PIBF1: variants seen among roughly 807,000 people sequenced by gnomAD.
PIBF1 encodes progesterone-induced-blocking factor 1.
A neutral mutation model predicts 112.5 loss-of-function variants in PIBF1; 90 were observed. The ratio of observed to expected loss-of-function variants is 0.80; its 90% confidence interval spans 0.67 to 0.95. The LOEUF is 0.95. PIBF1 is among the 40% of genes least tolerant of loss of function. The pLI is 0.00. For synonymous variants in PIBF1, 301 were observed against 288.6 expected (o/e 1.04, Z -0.44); for missense variants, 915 against 852.3 (o/e 1.07, Z -0.92).
intron 14 of PIBF1, among the ~76,000 whole-genome samples, chr13:72,949,650 C>G (rs1050330917): frequency 1.3e-5 from 2 of 152,162 alleles, no homozygotes; most frequent in Non-Finnish European, 2.9e-5. Flanking sequence ...TGACCATGAC[C>G]TGTAGTATGA....
intron 2 of PIBF1, among the ~76,000 whole-genome samples, chr13:72,789,784 G>GTCTGAA (rs2034801767): frequency 5.3e-5 from 8 of 151,962 alleles, no homozygotes; most frequent in Admixed American, 5.2e-4. Flanking sequence ...AGATCTGAAA[G>GTCTGAA]TCTGAAATCC....
Position 72,915,644 on chromosome 13 carries a change from G to T in PIBF1, c.1640-1432G>T, listed in dbSNP as rs543113464. Among the ~76,000 whole-genome samples, 6 of 152,244 alleles carry T rather than the reference G, an allele frequency of 3.9e-5. No homozygotes were observed. In the South Asian group the frequency reaches 6.2e-4, roughly 16 times the overall value. On this transcript the variant is annotated intron_variant, in intron 12 of 17. Coordinates refer to ENST00000326291, the MANE Select transcript of PIBF1 (RefSeq NM_006346.4). ...CTAGTTCCAGTAGAGCTTATTTGGA[G>T]AACTCATCTTGGATCTGGACTTACC...
At chr13:72,863,292 A>G (rs1204458399) in intron 10 of PIBF1, among the ~76,000 whole-genome samples, 1 of 152,186 alleles carries the variant, frequency 6.6e-6, no homozygotes, top group Non-Finnish European at 1.5e-5. Context: ...AATGTGACAA[A>G]CACACCATGT....
At chr13:72,783,970 A>T (rs575482924) in intron 2 of PIBF1, among the ~76,000 whole-genome samples, 1 of 151,480 alleles carries the variant, frequency 6.6e-6, no homozygotes, top group African/African-American at 2.4e-5. Context: ...TTACAGTTGA[A>T]TAGGAGGAAT....
intron 3 of PIBF1, among the ~76,000 whole-genome samples, chr13:72,794,201 G>T (rs1593898768): frequency 6.6e-6 from 1 of 152,174 alleles, no homozygotes; most frequent in Admixed American, 6.5e-5. Flanking sequence ...AAAGAACTAA[G>T]AATTGATCAT....
intron 11 of PIBF1, chr13:72,901,162 T>G: frequency 2.8e-6 from 1 of 352,226 alleles, no homozygotes; most frequent in Non-Finnish European, 5.6e-6. Flanking sequence ...TCACAATCTA[T>G]ATATCTGACA....
At position 72,944,364 on chromosome 13, in the gene PIBF1, T is replaced by A. The variant is rs188561925; in HGVS notation, c.1833+13097T>A. On this transcript the variant is annotated intron_variant, in intron 14 of 17. Transcript: ENST00000326291. Reference sequence around the variant, plus strand: ...TGGGAGACTGAGGCATGAGAATCGGTTGAACCCAGGAGGCAGAGGTTGTAG... The same window carrying A: ...TGGGAGACTGAGGCATGAGAATCGGATGAACCCAGGAGGCAGAGGTTGTAG... Among the ~76,000 whole-genome samples, 59 of 151,712 alleles carry A rather than the reference T, an allele frequency of 3.9e-4. 2 individuals are homozygous for A. Among genetic ancestry groups the A allele is most frequent in the African/African-American group, 1.4e-3 (57 of 41,352 alleles).
chr13:72,825,738 T>A (rs531457757), intron 6 of PIBF1, among the ~76,000 whole-genome samples: 1 of 152,160 alleles, frequency 6.6e-6, no homozygotes, highest in African/African-American at 2.4e-5. Context: ...ACAAAACAAA[T>A]ACAACAGTGT....
intron 14 of PIBF1, among the ~76,000 whole-genome samples, chr13:72,962,239 T>C (rs760653943): frequency 2.6e-5 from 4 of 152,112 alleles, no homozygotes; most frequent in Non-Finnish European, 5.9e-5. Flanking sequence ...CAAAATAAAA[T>C]TGTATATAGT....
chr13:72,938,525 A>G (rs1046318540), intron 14 of PIBF1, among the ~76,000 whole-genome samples: 8 of 152,268 alleles, frequency 5.3e-5, no homozygotes, highest in Non-Finnish European at 8.8e-5. Context: ...TTTGCCATCT[A>G]TCAGTGCTCA....
intron 8 of PIBF1, among the ~76,000 whole-genome samples, chr13:72,831,692 GTCAGTT>G (rs561214474): frequency 3.7e-4 from 57 of 152,228 alleles, no homozygotes; most frequent in African/African-American, 1.3e-3. Flanking sequence ...CTATTATGTG[GTCAGTT>G]TTAGAGTGAG....
intron 13 of PIBF1, among the ~76,000 whole-genome samples, chr13:72,922,568 G>A (rs758294714): frequency 1.3e-5 from 2 of 152,064 alleles, no homozygotes; most frequent in Non-Finnish European, 2.9e-5. Context: ...CTGTTCTGAC[G>A]TTCTTAAACC....
At chr13:73,012,131 C>T (rs545441184) in intron 17 of PIBF1, among the ~76,000 whole-genome samples, 72 of 152,274 alleles carry the variant, frequency 4.7e-4, no homozygotes, top group Admixed American at 1.4e-3. Context: ...GCGAGCAGAT[C>T]ACCTGAGATC....
chr13:72,966,826 T>G (rs1042347206), intron 15 of PIBF1, among the ~76,000 whole-genome samples: 2 of 151,998 alleles, frequency 1.3e-5, no homozygotes, highest in African/African-American at 4.8e-5. Flanking sequence ...GGAGAATCGC[T>G]TGAACCGGGG....
At chr13:72,983,933 A>G (rs1566517397) in intron 16 of PIBF1, among the ~76,000 whole-genome samples, 1 of 152,154 alleles carries the variant, frequency 6.6e-6, no homozygotes, top group Non-Finnish European at 1.5e-5. Flanking sequence ...TCACACATAC[A>G]TTTCTCATCA....
intron 8 of PIBF1, 123 bp from the exon 9 acceptor site, chr13:72,835,120 A>G (rs2037297303): frequency 1.8e-6 from 1 of 543,316 alleles, no homozygotes; most frequent in East Asian, 3.3e-5. Flanking sequence ...TTAATAGTTA[A>G]GTTTTTCAGG....
intron 9 of PIBF1, among the ~76,000 whole-genome samples, chr13:72,847,568 T>A (rs1436001320): frequency 6.6e-6 from 1 of 152,192 alleles, no homozygotes; most frequent in Non-Finnish European, 1.5e-5. Flanking sequence ...GGAAGTTAAA[T>A]TTCAACATGA....
intron 13 of PIBF1, 41 bp from the exon 14 acceptor site, chr13:72,931,124 T>C: frequency 8.2e-7 from 1 of 1,215,394 alleles, no homozygotes; most frequent in Non-Finnish European, 1.2e-6. Context: ...TTGGGCAGTA[T>C]TTCACTTTTA....
At chr13:72,902,655 T>G (rs1352555066) in intron 11 of PIBF1, among the ~76,000 whole-genome samples, 1 of 152,212 alleles carries the variant, frequency 6.6e-6, no homozygotes, top group East Asian at 1.9e-4. Flanking sequence ...CATTATTTAT[T>G]ATGTAAAAAT....
Sources: allele counts gnomAD v4.1 joint callset (sites outside exome capture counted in the v4.1 genomes callset), GRCh38; gene constraint gnomAD v4.1.1; transcripts MANE v1.5; gene names NCBI Gene and HGNC (gene_info 2026-07-23, HGNC 2026-07-21).